The following FAM76B variants were observed in gnomAD, a reference collection of about 807,000 sequenced individuals.
FAM76B encodes family with sequence similarity 76 member B, also known as protein FAM76B.
Under a neutral mutation model 51.8 loss-of-function variants are expected in FAM76B, and 16 were observed. The ratio of observed to expected loss-of-function variants is 0.31; its 90% CI spans 0.21 to 0.47. FAM76B has a LOEUF of 0.47. Ranked by LOEUF, FAM76B falls within the 20% of genes least tolerant of loss-of-function variation. The pLI, the probability that FAM76B is intolerant of heterozygous loss-of-function variation, is 1.00. For missense variants in FAM76B, 342 were observed against 392.6 expected (o/e 0.87, Z 1.09); for synonymous variants, 166 against 129.5 (o/e 1.28, Z -1.91).
At chr11:95,778,801 T>G (rs1860123355) in intron 8 of FAM76B, 21 bp downstream of exon 8, 1 of 1,578,414 alleles carries the variant, frequency 6.3e-7, no homozygotes, top group African/African-American at 1.4e-5. Flanking sequence ...CTTACCAGGC[T>G]TCAATGAACC....
intron 8 of FAM76B, among the ~76,000 whole-genome samples, chr11:95,777,484 T>C (rs780725112): frequency 4.2e-4 from 63 of 151,494 alleles, no homozygotes; most frequent in African/African-American, 1.4e-3. Context: ...TGCAGTAAAG[T>C]TGGCATTTTA....
chr11:95,785,161 A>G (rs1260486030), intron 4 of FAM76B, among the ~76,000 whole-genome samples: 1 of 152,178 alleles, frequency 6.6e-6, no homozygotes, highest in Non-Finnish European at 1.5e-5. Flanking sequence ...TAATTGTTCT[A>G]TTTTGTTATT....
chr11:95,789,642 C>G lies in FAM76B; in HGVS notation c.-164G>C, dbSNP rs1411800360. 3.7e-6 allele frequency: 2 copies of G among 545,596 alleles called. No individual in the cohort carries two copies. Among genetic ancestry groups the G allele is most frequent in the Non-Finnish European group, 6.3e-6 (2 of 319,500 alleles). The allele number at this position is 545,596 out of a possible 1,614,324, so 33.8% of individuals were successfully genotyped here. A position where few individuals can be genotyped will look rare whatever the true frequency, so the allele number is the denominator to read the frequency against. On this transcript the variant is annotated 5_prime_UTR_variant, in exon 1 of 10. Coordinates refer to ENST00000358780, the MANE Select transcript of FAM76B (RefSeq NM_144664.5). ...CGAGAGCCCAGGGCCCCGCGGACGA[C>G]GCCACCGTCTCCCTCCGCCTCCACT...
At chr11:95,780,163 G>T (rs1424221162) in intron 5 of FAM76B, among the ~76,000 whole-genome samples, 2 of 151,716 alleles carry the variant, frequency 1.3e-5, no homozygotes, top group Non-Finnish European at 3.0e-5. Flanking sequence ...TTATAATCAG[G>T]ATCTCCACAG....
chr11:95,789,559 G>T lies in FAM76B; in HGVS notation c.-81C>A. 1 of 1,328,312 alleles carries T rather than the reference G, an allele frequency of 7.5e-7. No individual in the cohort carries two copies. The highest frequency in any genetic ancestry group is 1.5e-5 in the African/African-American group (1 of 65,438). 82.3% of individuals were successfully genotyped at this position (1,328,312 alleles called of 1,614,324 possible). A position where few individuals can be genotyped will look rare whatever the true frequency, so the allele number is the denominator to read the frequency against. ...AGAACCCGAGAGCCGCCGCCGCCCG[G>T]GCCGCGGGCTCCTCCTCCTCCCCCT... On this transcript the variant is annotated 5_prime_UTR_variant, in exon 1 of 10. Transcript: ENST00000358780.
Position 95,769,132 on chromosome 11 carries a change from C to G in FAM76B, c.*2429G>C, listed in dbSNP as rs1206258667. The G allele has an allele frequency of 6.6e-6, 1 of 152,306 alleles. No individual in the cohort carries two copies. 9.4% of individuals were successfully genotyped at this position (152,306 alleles called of 1,614,324 possible). On this transcript the variant is annotated 3_prime_UTR_variant, in exon 10 of 10. Coordinates refer to ENST00000358780, the MANE Select transcript of FAM76B (RefSeq NM_144664.5). Reference sequence around the variant, plus strand: ...TAAAAAGGACTGCAATATTCACAGGCTATTAATACATAAATAACTTGAGTC... The same window carrying G: ...TAAAAAGGACTGCAATATTCACAGGGTATTAATACATAAATAACTTGAGTC...
intron 4 of FAM76B, 42 bp from the exon 5 acceptor site, chr11:95,783,306 T>C (rs751522620): frequency 1.3e-5 from 21 of 1,580,608 alleles, no homozygotes; most frequent in Non-Finnish European, 1.7e-5. Flanking sequence ...CCATATAAAC[T>C]GGCTGTAAAC....
intron 5 of FAM76B, among the ~76,000 whole-genome samples, chr11:95,781,834 A>G (rs1860287595): frequency 6.6e-6 from 1 of 152,132 alleles, no homozygotes; most frequent in African/African-American, 2.4e-5. Context: ...ACACTACAAC[A>G]TGGTAGAATT....
chr11:95,789,622 G>T lies in FAM76B; in HGVS notation c.-144C>A. On this transcript the variant is annotated 5_prime_UTR_variant, in exon 1 of 10. Transcript: ENST00000358780. ...CGCCCACCAGGGCCTCGCCGCGAGA[G>T]CCCAGGGCCCCGCGGACGACGCCAC... 6.6e-6 allele frequency: 4 copies of T among 607,546 alleles called. No homozygotes were observed. Among genetic ancestry groups the T allele is most frequent in the Non-Finnish European group, 1.1e-5 (4 of 370,914 alleles). The allele number at this position is 607,546 out of a possible 1,614,324, so 37.6% of individuals were successfully genotyped here.
At chr11:95,775,147 A>G (rs1859941079) in intron 9 of FAM76B, among the ~76,000 whole-genome samples, 1 of 151,496 alleles carries the variant, frequency 6.6e-6, no homozygotes, top group Non-Finnish European at 1.5e-5. Flanking sequence ...ACTAAAGACT[A>G]ATTTTACAAA....
In FAM76B at chr11:95,770,309, A is replaced by G. The variant is rs1394159051; in HGVS notation, c.*1252T>C. 1 of 151,864 alleles carries G rather than the reference A, an allele frequency of 6.6e-6. No individual in the cohort carries two copies. Among genetic ancestry groups the G allele is most frequent in the African/African-American group, 2.4e-5 (1 of 41,362 alleles). 9.4% of individuals were successfully genotyped at this position (151,864 alleles called of 1,614,324 possible). A position where few individuals can be genotyped will look rare whatever the true frequency, so the allele number is the denominator to read the frequency against. Reference sequence around the variant, plus strand: ...AAGACTTTAGGACAATTTACTTATAATGCCTGAATCTTATAGTAGATTCCA... The same window carrying G: ...AAGACTTTAGGACAATTTACTTATAGTGCCTGAATCTTATAGTAGATTCCA... On this transcript the variant is annotated 3_prime_UTR_variant, in exon 10 of 10. Transcript: ENST00000358780.
chr11:95,780,414 T>C (rs968414557), intron 5 of FAM76B, among the ~76,000 whole-genome samples: 4 of 151,966 alleles, frequency 2.6e-5, no homozygotes, highest in African/African-American at 9.7e-5. Flanking sequence ...CTAGTTTTCT[T>C]AAGAATCCTC....
rs1196864330 is a variant in FAM76B at position 95,783,317 on chromosome 11, G to A, written c.364-53C>T. On this transcript the variant is annotated intron_variant, in intron 4 of 9. Coordinates refer to ENST00000358780, the MANE Select transcript of FAM76B (RefSeq NM_144664.5). ...GTACCCATATAAACTGGCTGTAAAC[G>A]AAACCAGGTAAGATAAACCACTCAA... The A allele has an allele frequency of 2.0e-5, 30 of 1,533,972 alleles. No individual in the cohort carries two copies. In the East Asian group the frequency reaches 2.9e-4, roughly 15 times the overall value.
chr11:95,788,877 T>G (rs190639195), intron 1 of FAM76B: 57 of 1,372,206 alleles, frequency 4.2e-5, no homozygotes, highest in Middle Eastern at 1.9e-4. Context: ...ACAGACAGCA[T>G]CCAGGCTTTA....
Position 95,771,516 on chromosome 11 carries a change from C to G in FAM76B, c.*45G>C, listed in dbSNP as rs779201665. ...TTAAGGGCTTCACAGAATTTTTTTT[C>G]CCCAAATTTACATTGTAAGAAGAAA... On this transcript the variant is annotated 3_prime_UTR_variant, in exon 10 of 10. Coordinates refer to ENST00000358780, the MANE Select transcript of FAM76B (RefSeq NM_144664.5). 6.6e-7 allele frequency: 1 copy of G among 1,516,988 alleles called. No homozygotes were observed. The highest frequency in any genetic ancestry group is 9.0e-7 in the Non-Finnish European group (1 of 1,105,502). The allele number at this position is 1,516,988 out of a possible 1,614,324, so 94.0% of individuals were successfully genotyped here.
At chr11:95,784,880 C>A (rs1471519969) in intron 4 of FAM76B, among the ~76,000 whole-genome samples, 3 of 152,118 alleles carry the variant, frequency 2.0e-5, no homozygotes, top group Non-Finnish European at 4.4e-5. Flanking sequence ...AGCCACCATG[C>A]CTGGCCAATC....
In FAM76B at chr11:95,770,499, A is replaced by T. The variant is rs1047909514; in HGVS notation, c.*1062T>A. 4.6e-5 allele frequency: 7 copies of T among 151,836 alleles called. No homozygotes were observed. The highest frequency in any genetic ancestry group is 1.0e-4 in the Non-Finnish European group (7 of 67,506). The allele number at this position is 151,836 out of a possible 1,614,324, so 9.4% of individuals were successfully genotyped here. ...GCAGAAACATTAAAATTTTTAAAAA[A>T]TTTTATAAAATATAAAGCAAAACAT... On this transcript the variant is annotated 3_prime_UTR_variant, in exon 10 of 10. Transcript: ENST00000358780.
rs750824541 is a variant in FAM76B, at chr11:95,789,521, C to CG, written c.-44dup. The CG allele has an allele frequency of 3.2e-6, 5 of 1,540,744 alleles. No individual in the cohort carries two copies. In the African/African-American group the frequency reaches 7.0e-5, roughly 21 times the overall value. On this transcript the variant is annotated 5_prime_UTR_variant, in exon 1 of 10. Coordinates refer to ENST00000358780, the MANE Select transcript of FAM76B (RefSeq NM_144664.5). ...TCCTCCGCCGCCGCCCGCTCCGAGG[C>CG]GGGGCCCTACGGAGAACCCGAGAGC...
chr11:95,789,259 T>A (rs77057467), intron 1 of FAM76B, 133 bp downstream of exon 1: 1 of 1,040,886 alleles, frequency 9.6e-7, no homozygotes. Flanking sequence ...GGTCCCCGAG[T>A]GGGGAGGCGA....
Sources: allele counts gnomAD v4.1 joint callset (sites outside exome capture counted in the v4.1 genomes callset), GRCh38; gene constraint gnomAD v4.1.1; transcripts MANE v1.5; gene names NCBI Gene and HGNC (gene_info 2026-07-23, HGNC 2026-07-21).